DGCR8: variants seen among roughly 807,000 people sequenced by gnomAD.
The protein encoded by DGCR8 is microprocessor complex subunit DGCR8.
Under a neutral mutation model 78.5 loss-of-function variants are expected in DGCR8, and 14 were observed. The observed-to-expected ratio is 0.18, with a 90% CI of 0.12 to 0.28. The LOEUF (loss-of-function observed/expected upper bound fraction) is 0.28. DGCR8 is among the 10% of genes least tolerant of loss of function. The pLI is 1.00. For missense variants in DGCR8, 702 were observed against 1,022.5 expected (o/e 0.69, Z 4.28); for synonymous variants, 399 against 402.4 (o/e 0.99, Z 0.10).
rs1379183977 is a variant in DGCR8 at position 20,086,188 on chromosome 22, C to T, written c.225C>T (p.Leu75=). The change falls in exon 2 of 14, where the codon CTC becomes CTT. Residue 75 remains leucine, a synonymous_variant. Coordinates refer to ENST00000351989, the MANE Select transcript of DGCR8 (RefSeq NM_022720.7). The surrounding 1 kb of genome is among the most constrained non-coding windows in gnomAD (Gnocchi z 6.4). The part of the protein sequence containing the change: ...DPFNFYGASL[L]SKGSFSKGRL... ...TCAACTTCTACGGAGCTTCTCTTCT[C>T]TCCAAAGGATCCTTCTCTAAGGGCC... 1 of 1,614,056 alleles carries T rather than the reference C, an allele frequency of 6.2e-7. No homozygotes were observed. Among genetic ancestry groups the T allele is most frequent in the Non-Finnish European group, 8.5e-7 (1 of 1,180,050 alleles).
Position 20,089,571 on chromosome 22 carries a change from C to A in DGCR8, c.881-98C>A. ...TTATCTGTGAAGACCCAGTTAAACA[C>A]ATGCTAGTACCCAACAATTTCTTGT... On this transcript the variant is annotated intron_variant, in intron 3 of 13. Transcript: ENST00000351989. The surrounding 1 kb of genome is among the most constrained non-coding windows in gnomAD (Gnocchi z 4.9). 1.5e-6 allele frequency: 2 copies of A among 1,356,174 alleles called. No individual in the cohort carries two copies. The highest frequency in any genetic ancestry group is 2.1e-6 in the Non-Finnish European group (2 of 972,104). The allele number at this position is 1,356,174 out of a possible 1,614,324, so 84.0% of individuals were successfully genotyped here.
At chr22:20,080,927 C>G (rs1297059482) in intron 1 of DGCR8, among the ~76,000 whole-genome samples, 2 of 152,198 alleles carry the variant, frequency 1.3e-5, no homozygotes, top group African/African-American at 2.4e-5. Context: ...TGGCAGGAGT[C>G]TGATTTGCCT....
At chr22:20,100,544 A>G (rs1010697920) in intron 9 of DGCR8, 1 of 985,192 alleles carries the variant, frequency 1.0e-6, no homozygotes, top group African/African-American at 1.7e-5. Flanking sequence ...GTCTGAGTAA[A>G]AGCCCTGCCT....
chr22:20,092,140 C>T (rs1395109740), intron 7 of DGCR8, among the ~76,000 whole-genome samples, 170 bp downstream of exon 7: 2 of 152,172 alleles, frequency 1.3e-5, no homozygotes, highest in Non-Finnish European at 2.9e-5. Flanking sequence ...GAGCCGCGCC[C>T]CATCTGAGTG....
In DGCR8 at chr22:20,110,193, A is replaced by C; in HGVS notation, c.*85A>C. On this transcript the variant is annotated 3_prime_UTR_variant, in exon 14 of 14. Transcript: ENST00000351989. ...GTCATGCATCGTGCACCACAGTGTC[A>C]GGCCTCCAACCCACGCTCCTTCCCT... The C allele has an allele frequency of 7.0e-7, 1 of 1,420,120 alleles. No homozygotes were observed. 88.0% of individuals were successfully genotyped at this position (1,420,120 alleles called of 1,614,324 possible). A position where few individuals can be genotyped will look rare whatever the true frequency, so the allele number is the denominator to read the frequency against.
At chr22:20,082,614 G>C (rs1287919033) in intron 1 of DGCR8, among the ~76,000 whole-genome samples, 1 of 151,980 alleles carries the variant, frequency 6.6e-6, no homozygotes, top group East Asian at 1.9e-4. Flanking sequence ...TGGTCCGCCT[G>C]CCTCAGCCTC....
rs2049487467 is a variant in DGCR8 at position 20,086,642 on chromosome 22, A to C, written c.679A>C (p.Arg227=). The part of the protein sequence containing the change: ...GGFTAKAIVQ[R]DRVDEEALNF... ...GTTCACGGCTAAAGCAATCGTTCAG[A>C]GAGACAGAGTGGATGAAGAGGCCTT... The change falls in exon 2 of 14, where the codon AGA becomes CGA. Residue 227 remains arginine (R), a synonymous_variant. Coordinates refer to ENST00000351989, the MANE Select transcript of DGCR8 (RefSeq NM_022720.7). The surrounding 1 kb of genome is among the most constrained non-coding windows in gnomAD (Gnocchi z 6.4). 1 of 1,611,182 alleles carries C rather than the reference A, an allele frequency of 6.2e-7. No individual in the cohort carries two copies. The highest frequency in any genetic ancestry group is 1.3e-5 in the African/African-American group (1 of 74,898).
At chr22:20,105,564 T>A (rs2049759757) in intron 9 of DGCR8, among the ~76,000 whole-genome samples, 1 of 152,214 alleles carries the variant, frequency 6.6e-6, no homozygotes, top group Admixed American at 6.5e-5. Flanking sequence ...CTGTGTGGAA[T>A]CTCCCCATCA....
In DGCR8 at chr22:20,086,622, C is replaced by T. The variant is rs370659006; in HGVS notation, c.659C>T (p.Thr220Met). ...ELDEEGAGGF[T>M]AKAIVQRDRV... ...GATGAAGAAGGAGCAGGCGGGTTCACGGCTAAAGCAATCGTTCAGAGAGAC... is the reference window on the plus strand; with the variant it reads ...GATGAAGAAGGAGCAGGCGGGTTCATGGCTAAAGCAATCGTTCAGAGAGAC... The change falls in exon 2 of 14, where the codon ACG becomes ATG. Residue 220 changes from threonine to methionine, a missense_variant. By Grantham distance (81) the Thr-to-Met change is moderately conservative. Transcript: ENST00000351989. The surrounding 1 kb of genome is among the most constrained non-coding windows in gnomAD (Gnocchi z 6.4). The T allele has an allele frequency of 1.1e-5, 17 of 1,612,526 alleles. No individual in the cohort carries two copies. The highest frequency in any genetic ancestry group is 1.6e-4 in the Middle Eastern group (1 of 6,062).
chr22:20,086,758 G>T lies in DGCR8; in HGVS notation c.720+75G>T. 7.4e-6 allele frequency: 10 copies of T among 1,359,726 alleles called. No individual in the cohort carries two copies. The highest frequency in any genetic ancestry group is 9.8e-6 in the Non-Finnish European group (10 of 1,017,484). The allele number at this position is 1,359,726 out of a possible 1,614,324, so 84.2% of individuals were successfully genotyped here. A position where few individuals can be genotyped will look rare whatever the true frequency, so the allele number is the denominator to read the frequency against. On this transcript the variant is annotated intron_variant, in intron 2 of 13. Transcript: ENST00000351989. The surrounding 1 kb of genome is among the most constrained non-coding windows in gnomAD (Gnocchi z 6.4). The stretch of plus-strand genomic sequence containing the variant: ...AGATTTGGGAATTGCAGCATCTTTT[G>T]AAAGCAGGGAAATTAAAAAAAAAAA...
rs376450423 is a variant in DGCR8 at position 20,086,772 on chromosome 22, T to TA, written c.720+103dup. ...CAGCATCTTTTGAAAGCAGGGAAAT[T>TA]AAAAAAAAAAAAAACAAAAACCAAA... On this transcript the variant is annotated intron_variant, in intron 2 of 13. Coordinates refer to ENST00000351989, the MANE Select transcript of DGCR8 (RefSeq NM_022720.7). The surrounding 1 kb of genome is among the most constrained non-coding windows in gnomAD (Gnocchi z 6.4). 0.15 allele frequency: 164,039 copies of TA among 1,077,072 alleles called. 202 individuals are homozygous for TA. Among genetic ancestry groups the TA allele is most frequent in the Non-Finnish European group, 0.16 (130,857 of 803,620 alleles). The allele number at this position is 1,077,072 out of a possible 1,614,324, so 66.7% of individuals were successfully genotyped here.
Position 20,089,739 on chromosome 22 carries a change from G to T in DGCR8, c.951G>T (p.Pro317=). The part of the protein sequence containing the change: ...WIMTFHNSGV[P]VYLHRESRVV... ...TGACATTCCATAACTCTGGAGTCCCGGTGTACCTACACAGAGAGTCTCGGG... is the reference window on the plus strand; with the variant it reads ...TGACATTCCATAACTCTGGAGTCCCTGTGTACCTACACAGAGAGTCTCGGG... Residue 317 remains proline (P), a synonymous_variant, in exon 4 of 14, where the codon CCG becomes CCT. Transcript: ENST00000351989. The surrounding 1 kb of genome is among the most constrained non-coding windows in gnomAD (Gnocchi z 4.9). 6.2e-7 allele frequency: 1 copy of T among 1,613,892 alleles called. No homozygotes were observed. Among genetic ancestry groups the T allele is most frequent in the Non-Finnish European group, 8.5e-7 (1 of 1,179,970 alleles).
At position 20,085,218 on chromosome 22, in the gene DGCR8, G is replaced by A. The variant is rs556330548; in HGVS notation, c.-277-469G>A. ...CCATGCCTCTGAGGCCCCTAGTGCC[G>A]CAGAGTTGAGCTGAGGGTCTCGCGC... On this transcript the variant is annotated intron_variant, in intron 1 of 13. Transcript: ENST00000351989. This position sits in a 1 kb window ranked among gnomAD's most constrained non-coding sequence, Gnocchi z 6.2. Among the ~76,000 whole-genome samples the A allele has an allele frequency of 3.9e-5, 6 of 152,254 alleles. No homozygotes were observed. The highest frequency in any genetic ancestry group is 4.1e-4 in the South Asian group (2 of 4,822).
chr22:20,090,885 G>T (rs1159424456), intron 5 of DGCR8, among the ~76,000 whole-genome samples: 1 of 152,226 alleles, frequency 6.6e-6, no homozygotes, highest in East Asian at 1.9e-4. Flanking sequence ...TCACTACCCA[G>T]CCTGTCTCAT....
chr22:20,107,242 CT>C (rs770398230), intron 11 of DGCR8, 28 bp from the exon 12 acceptor site: 1 of 1,613,846 alleles, frequency 6.2e-7, no homozygotes, highest in African/African-American at 1.3e-5. Context: ...TTGTGACCCC[CT>C]CTCCATGCTT....
intron 9 of DGCR8, among the ~76,000 whole-genome samples, chr22:20,105,052 ATGGG>A (rs2147938897): frequency 6.6e-6 from 1 of 152,386 alleles, no homozygotes; most frequent in East Asian, 1.9e-4. Context: ...GGTGTGGCTG[ATGGG>A]TAATCTCCAG....
chr22:20,105,512 A>C (rs1484184302), intron 9 of DGCR8, among the ~76,000 whole-genome samples: 2 of 152,244 alleles, frequency 1.3e-5, no homozygotes, highest in African/African-American at 4.8e-5. Flanking sequence ...ACAGTGGGCA[A>C]TGTCTCTGCA....
chr22:20,085,917 G>A lies in DGCR8; in HGVS notation c.-47G>A. On this transcript the variant is annotated 5_prime_UTR_variant, in exon 2 of 14. Coordinates refer to ENST00000351989, the MANE Select transcript of DGCR8 (RefSeq NM_022720.7). The surrounding 1 kb of genome is among the most constrained non-coding windows in gnomAD (Gnocchi z 6.2). ...TGTTAGCTGTGTAGATTTATGTGAGGGCTTGTAAAACTCTGGTCTTGTAAA... is the reference window on the plus strand; with the variant it reads ...TGTTAGCTGTGTAGATTTATGTGAGAGCTTGTAAAACTCTGGTCTTGTAAA... The A allele has an allele frequency of 6.6e-7, 1 of 1,509,770 alleles. No individual in the cohort carries two copies. The highest frequency in any genetic ancestry group is 2.3e-5 in the East Asian group (1 of 43,914). 93.5% of individuals were successfully genotyped at this position (1,509,770 alleles called of 1,614,324 possible).
intron 1 of DGCR8, among the ~76,000 whole-genome samples, chr22:20,081,047 A>G (rs1476417345): frequency 1.3e-5 from 2 of 152,044 alleles, no homozygotes; most frequent in Non-Finnish European, 2.9e-5. Flanking sequence ...GCCAGACTAG[A>G]CTCCCAGCTG....
Sources: allele counts gnomAD v4.1 joint callset (sites outside exome capture counted in the v4.1 genomes callset), GRCh38; gene constraint gnomAD v4.1.1; non-coding constraint Gnocchi (gnomAD v3.1); transcripts MANE v1.5; gene names NCBI Gene and HGNC (gene_info 2026-07-23, HGNC 2026-07-21).